Variants in NAALADL2 observed in about 807,000 individuals in gnomAD.
The protein encoded by NAALADL2 is inactive N-acetylated-alpha-linked acidic dipeptidase-like protein 2.
Under a neutral mutation model 87.2 loss-of-function variants are expected in NAALADL2, and 76 were observed. The observed-to-expected ratio is 0.87, with a 90% CI of 0.72 to 1.05. NAALADL2 has a LOEUF of 1.05. Ranked by LOEUF, NAALADL2 falls within the 50% of genes least tolerant of loss-of-function variation. NAALADL2 has a pLI of 0.00. For missense variants in NAALADL2, 1,089 were observed against 945.8 expected (o/e 1.15, Z -1.99); for synonymous variants, 354 against 331.0 (o/e 1.07, Z -0.75).
intron 2 of NAALADL2, among the ~76,000 whole-genome samples, chr3:174,674,536 C>T (rs577331724): frequency 2.6e-4 from 40 of 151,598 alleles, no homozygotes; most frequent in African/African-American, 9.2e-4. Context: ...ATCTTTATGT[C>T]GTCTGTAGTT....
At chr3:175,542,873 G>A (rs1164789659) in intron 9 of NAALADL2, among the ~76,000 whole-genome samples, 1 of 152,076 alleles carries the variant, frequency 6.6e-6, no homozygotes, top group African/African-American at 2.4e-5. Context: ...TATTCTTTAG[G>A]TGAACTGGAA....
chr3:175,655,280 T>C (rs1000331526), intron 11 of NAALADL2, among the ~76,000 whole-genome samples: 1 of 152,118 alleles, frequency 6.6e-6, no homozygotes, highest in Non-Finnish European at 1.5e-5. Context: ...ATAAAATAGG[T>C]GAGTATCTAC....
At chr3:174,528,373 T>C (rs1046235465) in intron 1 of NAALADL2, among the ~76,000 whole-genome samples, 6 of 152,298 alleles carry the variant, frequency 3.9e-5, no homozygotes, top group East Asian at 1.9e-4. Context: ...CTCATACCTG[T>C]AAGCCCAGCA....
At chr3:175,299,407 T>C (rs1435449696) in intron 4 of NAALADL2, among the ~76,000 whole-genome samples, 2 of 152,064 alleles carry the variant, frequency 1.3e-5, no homozygotes, top group Non-Finnish European at 2.9e-5. Flanking sequence ...ATGATATTGA[T>C]TCTTCTTATC....
At chr3:175,345,806 G>A (rs757901236) in intron 5 of NAALADL2, among the ~76,000 whole-genome samples, 1 of 152,090 alleles carries the variant, frequency 6.6e-6, no homozygotes, top group Non-Finnish European at 1.5e-5. Flanking sequence ...TGACACAAGG[G>A]AAATTGCTGT....
At chr3:174,480,000 G>T (rs953125385) in intron 1 of NAALADL2, among the ~76,000 whole-genome samples, 1 of 152,036 alleles carries the variant, frequency 6.6e-6, no homozygotes, top group Non-Finnish European at 1.5e-5. Context: ...GTTTTGAAAA[G>T]AAATTCACTC....
intron 1 of NAALADL2, among the ~76,000 whole-genome samples, chr3:174,515,688 GAA>G (rs542590012): frequency 2.2e-5 from 3 of 135,018 alleles, no homozygotes; most frequent in East Asian, 4.1e-4. Context: ...CTGACAATTG[GAA>G]AAAAAAAAAA....
intron 5 of NAALADL2, among the ~76,000 whole-genome samples, chr3:175,440,371 CT>C (rs1280087999): frequency 1.3e-5 from 2 of 151,892 alleles, no homozygotes; most frequent in Non-Finnish European, 2.9e-5. Context: ...TATGCAGGCT[CT>C]TTTTGGTTCC....
intron 5 of NAALADL2, among the ~76,000 whole-genome samples, chr3:175,339,917 A>G (rs1217133544): frequency 6.6e-6 from 1 of 152,210 alleles, no homozygotes; most frequent in Non-Finnish European, 1.5e-5. Context: ...ATATTTCAGG[A>G]AAGAGTTGTA....
chr3:174,907,181 G>A (rs1258924154), intron 1 of NAALADL2, among the ~76,000 whole-genome samples: 2 of 151,956 alleles, frequency 1.3e-5, no homozygotes, highest in Admixed American at 1.3e-4. Context: ...CAAAATCATT[G>A]CATCACAGAA....
intron 1 of NAALADL2, among the ~76,000 whole-genome samples, chr3:174,501,157 C>G (rs1462348241): frequency 2.9e-5 from 4 of 138,872 alleles, no homozygotes; most frequent in Non-Finnish European, 5.9e-5. Flanking sequence ...CGGCTCACTG[C>G]AAGCTCCGCC....
At chr3:175,559,152 T>A (rs1372877397) in intron 9 of NAALADL2, among the ~76,000 whole-genome samples, 1 of 152,148 alleles carries the variant, frequency 6.6e-6, no homozygotes, top group African/African-American at 2.4e-5. Context: ...TCTTTGGTTA[T>A]AATAATTCAC....
intron 5 of NAALADL2, among the ~76,000 whole-genome samples, chr3:175,351,351 T>C (rs1453447126): frequency 1.3e-5 from 2 of 152,096 alleles, no homozygotes; most frequent in Non-Finnish European, 2.9e-5. Flanking sequence ...CATATATATG[T>C]GTAATTTTAG....
intron 2 of NAALADL2, among the ~76,000 whole-genome samples, chr3:175,228,446 A>G (rs540988603): frequency 3.9e-5 from 6 of 152,000 alleles, no homozygotes; most frequent in African/African-American, 1.2e-4. Flanking sequence ...TGCTGAATAC[A>G]TTATAACATA....
chr3:174,779,267 T>G (rs1177133671), intron 3 of NAALADL2, among the ~76,000 whole-genome samples: 1 of 152,206 alleles, frequency 6.6e-6, no homozygotes. Context: ...GTTGGCTGCA[T>G]AAATGTCTTC....
At chr3:175,070,441 C>T (rs1163395876) in intron 1 of NAALADL2, among the ~76,000 whole-genome samples, 2 of 152,002 alleles carry the variant, frequency 1.3e-5, no homozygotes, top group Non-Finnish European at 2.9e-5. Flanking sequence ...AACTGCTGGA[C>T]TTGTCTCAAA....
At chr3:175,396,207 C>A (rs564944766) in intron 5 of NAALADL2, among the ~76,000 whole-genome samples, 1 of 152,064 alleles carries the variant, frequency 6.6e-6, no homozygotes, top group Admixed American at 6.6e-5. Context: ...GCGTACAGGA[C>A]AAAATACAAT....
intron 1 of NAALADL2, among the ~76,000 whole-genome samples, chr3:175,062,253 GCCAT>G (rs1394543374): frequency 6.6e-6 from 1 of 152,074 alleles, no homozygotes; most frequent in African/African-American, 2.4e-5. Context: ...ATGTACTTTT[GCCAT>G]CCTGACAGGA....
chr3:175,013,144 A>ATTTATATATAAAT (rs1458625560), intron 1 of NAALADL2, among the ~76,000 whole-genome samples: 229 of 85,714 alleles, frequency 2.7e-3, no homozygotes, highest in Non-Finnish European at 4.2e-3. Context: ...ATAAATATGT[A>ATTTATATATAAAT]ATACATATTT....
Sources: gnomAD v4.1 joint callset for allele counts (sites outside exome capture counted in the v4.1 genomes callset) on GRCh38, gnomAD v4.1.1 for gene constraint, MANE v1.5 for transcripts, NCBI Gene and HGNC (gene_info 2026-07-23, HGNC 2026-07-21) for gene names.